The following SGCZ variants were observed in gnomAD, a reference collection of about 807,000 sequenced individuals.
SGCZ encodes zeta-sarcoglycan.
SGCZ carries 40 observed loss-of-function variants against 41.3 expected under a neutral mutation model. That is an observed-to-expected ratio of 0.97 (90% CI 0.75 to 1.26). The LOEUF (loss-of-function observed/expected upper bound fraction) is 1.26. SGCZ is among the 50% of genes most tolerant of loss of function. The pLI, the probability that SGCZ is intolerant of heterozygous loss-of-function variation, is 0.00. For missense variants in SGCZ, 552 were observed against 369.8 expected (o/e 1.49, Z -4.04); for synonymous variants, 206 against 137.5 (o/e 1.50, Z -3.49).
chr8:14,752,885 T>C (rs934744458), intron 1 of SGCZ, among the ~76,000 whole-genome samples: 10 of 151,270 alleles, frequency 6.6e-5, no homozygotes, highest in African/African-American at 2.5e-4. Context: ...CAAAGCACTA[T>C]CTGTGTTTGA....
At chr8:14,255,750 A>C (rs1799441157) in intron 3 of SGCZ, among the ~76,000 whole-genome samples, 1 of 152,116 alleles carries the variant, frequency 6.6e-6, no homozygotes, top group Non-Finnish European at 1.5e-5. Flanking sequence ...TTGCAGTATA[A>C]TGTGTGGGAT....
chr8:14,895,637 C>T (rs1805168879), intron 1 of SGCZ, among the ~76,000 whole-genome samples: 1 of 152,042 alleles, frequency 6.6e-6, no homozygotes, highest in South Asian at 2.1e-4. Flanking sequence ...AAATAAAAGC[C>T]AAGGGACTTG....
chr8:15,108,482 G>T (rs1348899714), intron 1 of SGCZ, among the ~76,000 whole-genome samples: 4 of 152,180 alleles, frequency 2.6e-5, no homozygotes, highest in East Asian at 1.9e-4. Context: ...ATGCTATGCT[G>T]CATATATTTA....
chr8:14,717,051 C>G (rs919292068), intron 1 of SGCZ, among the ~76,000 whole-genome samples: 1 of 151,916 alleles, frequency 6.6e-6, no homozygotes, highest in Non-Finnish European at 1.5e-5. Flanking sequence ...TTGAATAATG[C>G]TCGAACAATT....
intron 7 of SGCZ, among the ~76,000 whole-genome samples, chr8:14,100,954 G>A (rs7007117): frequency 0.12 from 17,688 of 151,720 alleles, 1,230 homozygotes; most frequent in African/African-American, 0.2. Context: ...AAACACCTAG[G>A]GAATGTATTG....
chr8:14,186,539 C>A (rs545541212), intron 4 of SGCZ, among the ~76,000 whole-genome samples: 1 of 152,258 alleles, frequency 6.6e-6, no homozygotes, highest in Non-Finnish European at 1.5e-5. Flanking sequence ...GACAAGAAGA[C>A]TAAAGGCACT....
At chr8:14,718,920 G>A (rs1474335353) in intron 1 of SGCZ, among the ~76,000 whole-genome samples, 1 of 148,062 alleles carries the variant, frequency 6.8e-6, no homozygotes. Flanking sequence ...AGTTACACAT[G>A]TATACATGTG....
intron 1 of SGCZ, among the ~76,000 whole-genome samples, chr8:14,851,368 C>CAAAAAAAAAAAAAA (rs369090223): frequency 1.5e-4 from 9 of 61,888 alleles, no homozygotes; most frequent in Admixed American, 2.5e-4. Flanking sequence ...GACTCCATCT[C>CAAAAAAAAAAAAAA]AAAAAAAAAA....
chr8:15,008,166 C>T (rs1038475669), intron 1 of SGCZ, among the ~76,000 whole-genome samples: 43 of 152,098 alleles, frequency 2.8e-4, no homozygotes, highest in African/African-American at 1.0e-3. Context: ...CATATCTCTG[C>T]ACCTACTTGA....
intron 2 of SGCZ, among the ~76,000 whole-genome samples, chr8:14,500,276 G>T (rs1480289489): frequency 6.6e-6 from 1 of 151,926 alleles, no homozygotes; most frequent in African/African-American, 2.4e-5. Context: ...CCCTGCTTTT[G>T]TTGTTGTTGT....
chr8:14,842,466 AGAAGGAAGAAAGGAAGGAAAG>A (rs372638224), intron 1 of SGCZ, among the ~76,000 whole-genome samples: 6,081 of 150,716 alleles, frequency 0.04, 157 homozygotes, highest in African/African-American at 0.066. Flanking sequence ...GGAAAAGGAA[AGAAGGAAGAAAGGAAGGAAAG>A]GAAGGAAGAA....
intron 1 of SGCZ, among the ~76,000 whole-genome samples, chr8:15,121,200 T>C (rs1807464849): frequency 6.6e-6 from 1 of 152,124 alleles, no homozygotes; most frequent in African/African-American, 2.4e-5. Flanking sequence ...TAATTTGAAG[T>C]TATATTTTGT....
chr8:14,942,565 T>C (rs1402612146), intron 1 of SGCZ, among the ~76,000 whole-genome samples: 1 of 152,166 alleles, frequency 6.6e-6, no homozygotes, highest in African/African-American at 2.4e-5. Flanking sequence ...AATATTTGAA[T>C]ATATCTAAGG....
chr8:14,421,027 G>T (rs1043716970), intron 2 of SGCZ, among the ~76,000 whole-genome samples: 1 of 152,020 alleles, frequency 6.6e-6, no homozygotes, highest in Non-Finnish European at 1.5e-5. Context: ...AAATAAAGGT[G>T]CCCCAAAGAT....
At chr8:14,123,943 T>A (rs1802775689) in intron 5 of SGCZ, among the ~76,000 whole-genome samples, 1 of 152,096 alleles carries the variant, frequency 6.6e-6, no homozygotes, top group African/African-American at 2.4e-5. Context: ...AAGAATAGTC[T>A]GAGACAGACA....
chr8:14,834,247 T>C (rs187280018), intron 1 of SGCZ, among the ~76,000 whole-genome samples: 2 of 152,322 alleles, frequency 1.3e-5, no homozygotes, highest in African/African-American at 4.8e-5. Flanking sequence ...GAATAGATTC[T>C]ATGGATTTAT....
intron 1 of SGCZ, among the ~76,000 whole-genome samples, chr8:14,714,177 C>T (rs1486268854): frequency 1.3e-5 from 2 of 152,200 alleles, no homozygotes; most frequent in Non-Finnish European, 2.9e-5. Context: ...CCATGTTGGC[C>T]AGGCTGGTTT....
At position 14,348,511 on chromosome 8, in the gene SGCZ, A is replaced by G. The variant is rs547611749; in HGVS notation, c.235-24307T>C. ...TATATATTCGTTCGTCTCTAATCCC[A>G]TAGATTGAAATGGTTTTGAATATAA... On this transcript the variant is annotated intron_variant, in intron 2 of 7. Coordinates refer to ENST00000382080, the MANE Select transcript of SGCZ (RefSeq NM_139167.4). Among the ~76,000 whole-genome samples, 4 of 152,260 alleles carry G rather than the reference A, an allele frequency of 2.6e-5. No individual in the cohort carries two copies. The East Asian group carries it at 7.7e-4, about 29-fold the overall frequency.
intron 4 of SGCZ, among the ~76,000 whole-genome samples, chr8:14,234,271 A>G (rs1183620796): frequency 2.6e-5 from 4 of 152,056 alleles, no homozygotes; most frequent in Non-Finnish European, 4.4e-5. Flanking sequence ...GTGAGTCAGG[A>G]TTAGAATTAG....
Sources: gnomAD v4.1 joint callset for allele counts (sites outside exome capture counted in the v4.1 genomes callset) on GRCh38, gnomAD v4.1.1 for gene constraint, MANE v1.5 for transcripts, NCBI Gene and HGNC (gene_info 2026-07-23, HGNC 2026-07-21) for gene names.